The following LGR4 variants were observed in gnomAD, a reference collection of about 807,000 sequenced individuals.
LGR4 encodes leucine rich repeat containing G protein-coupled receptor 4.
Under a neutral mutation model 84.8 loss-of-function variants are expected in LGR4, and 44 were observed. That is an observed-to-expected ratio of 0.52 (90% CI 0.41 to 0.67). The LOEUF (loss-of-function observed/expected upper bound fraction) is 0.67. Among genes scored for constraint, LGR4 ranks in the 30% least tolerant of loss-of-function variants. LGR4 has a pLI of 0.00. For missense variants in LGR4, 1,032 were observed against 1,131.4 expected (o/e 0.91, Z 1.26); for synonymous variants, 429 against 434.3 (o/e 0.99, Z 0.15).
At chr11:27,397,050 A>G (rs1173060909) in intron 2 of LGR4, among the ~76,000 whole-genome samples, 7 of 152,080 alleles carry the variant, frequency 4.6e-5, no homozygotes, top group Admixed American at 4.6e-4. Flanking sequence ...CCTGTCTCAA[A>G]CCACTTAATC....
At chr11:27,408,769 G>A (rs537756128) in intron 2 of LGR4, among the ~76,000 whole-genome samples, 3 of 152,126 alleles carry the variant, frequency 2.0e-5, no homozygotes, top group Non-Finnish European at 4.4e-5. Flanking sequence ...TATCAAGGAA[G>A]ACTGCAATGT....
chr11:27,370,908 A>G (rs1239687312), intron 17 of LGR4, among the ~76,000 whole-genome samples: 1 of 152,216 alleles, frequency 6.6e-6, no homozygotes. Context: ...GCATTCACTT[A>G]TCTAGTAACT....
chr11:27,445,305 G>A (rs1164211453), intron 1 of LGR4, among the ~76,000 whole-genome samples: 1 of 151,984 alleles, frequency 6.6e-6, no homozygotes, highest in Non-Finnish European at 1.5e-5. Flanking sequence ...CAGACTATGT[G>A]GGTTCAAATT....
chr11:27,450,085 G>C (rs1864456617), intron 1 of LGR4, among the ~76,000 whole-genome samples: 2 of 152,258 alleles, frequency 1.3e-5, no homozygotes, highest in Admixed American at 6.5e-5. Flanking sequence ...TGGCATACTA[G>C]TATTTTTATT....
At chr11:27,381,706 CAA>C (rs3085345) in intron 7 of LGR4, among the ~76,000 whole-genome samples, 13 of 150,422 alleles carry the variant, frequency 8.6e-5, no homozygotes, top group East Asian at 2.0e-4. Flanking sequence ...TACAAACAAT[CAA>C]AAAAAAAAAT....
At chr11:27,370,719 GC>G (rs796277068) in intron 17 of LGR4, among the ~76,000 whole-genome samples, 2 of 152,058 alleles carry the variant, frequency 1.3e-5, no homozygotes, top group Non-Finnish European at 2.9e-5. Context: ...TTGAAGTCCA[GC>G]CCCCCCTTTA....
Position 27,385,295 on chromosome 11 carries a change from A to G in LGR4, c.575T>C (p.Ile192Thr). 1 of 1,600,208 alleles carries G rather than the reference A, an allele frequency of 6.2e-7. No individual in the cohort carries two copies. The highest frequency in any genetic ancestry group is 8.5e-7 in the Non-Finnish European group (1 of 1,172,416). ...LTLALNKISS[I>T]PDFAFTNLSS... ...AAGGTTGGTAAATGCAAAGTCAGGG[A>G]TGCTTGAGATCTTGTTGAGAGCCAG... The change falls in exon 5 of 18, where the codon ATC (isoleucine) becomes ACC (threonine). Residue 192 changes from isoleucine (I) to threonine (T), a missense_variant. By Grantham distance (89) the Ile-to-Thr change is moderately conservative. Transcript: ENST00000379214.
At chr11:27,469,007 A>G (rs1379180366) in intron 1 of LGR4, among the ~76,000 whole-genome samples, 1 of 152,202 alleles carries the variant, frequency 6.6e-6, no homozygotes, top group East Asian at 1.9e-4. Flanking sequence ...GCACAAATAC[A>G]GTAATAACCT....
At chr11:27,431,009 C>T (rs1461099174) in intron 1 of LGR4, among the ~76,000 whole-genome samples, 1 of 152,052 alleles carries the variant, frequency 6.6e-6, no homozygotes, top group East Asian at 1.9e-4. Context: ...TTCTTACCTC[C>T]TGGTTTTCTC....
chr11:27,417,668 GAA>G (rs1271100885), intron 1 of LGR4, among the ~76,000 whole-genome samples: 1 of 151,968 alleles, frequency 6.6e-6, no homozygotes, highest in East Asian at 1.9e-4. Flanking sequence ...TTAAAAAATT[GAA>G]ATACAGAGAA....
intron 17 of LGR4, among the ~76,000 whole-genome samples, chr11:27,369,408 T>C (rs1344366928): frequency 1.3e-5 from 2 of 152,178 alleles, no homozygotes; most frequent in Non-Finnish European, 2.9e-5. Context: ...AAGAGTGATA[T>C]TTAGATGAAA....
At chr11:27,390,858 T>C (rs1314692296) in intron 4 of LGR4, among the ~76,000 whole-genome samples, 3 of 152,130 alleles carry the variant, frequency 2.0e-5, no homozygotes, top group African/African-American at 2.4e-5. Context: ...TTCATGGAAG[T>C]ACACCCAGCA....
chr11:27,456,887 G>T (rs1160868815), intron 1 of LGR4, among the ~76,000 whole-genome samples: 1 of 152,082 alleles, frequency 6.6e-6, no homozygotes, highest in Non-Finnish European at 1.5e-5. Flanking sequence ...TAGTCTCCCA[G>T]TGTATGCAGA....
rs527675488 is a variant in LGR4 at position 27,390,979 on chromosome 11, T to C, written c.401+115A>G. 11 of 651,546 alleles carry C rather than the reference T, an allele frequency of 1.7e-5. No homozygotes were observed. The Admixed American group carries it at 2.3e-4, about 14-fold the overall frequency. The allele number at this position is 651,546 out of a possible 1,614,324, so 40.4% of individuals were successfully genotyped here. A position where few individuals can be genotyped will look rare whatever the true frequency, so the allele number is the denominator to read the frequency against. On this transcript the variant is annotated intron_variant, in intron 4 of 17. Transcript: ENST00000379214. Reference sequence around the variant, plus strand: ...TTTGATAACATTGACTAGCTATCTCTGTTTTTATCTCAGATGAAAGGATAA... The same window carrying C: ...TTTGATAACATTGACTAGCTATCTCCGTTTTTATCTCAGATGAAAGGATAA...
intron 2 of LGR4, among the ~76,000 whole-genome samples, chr11:27,405,251 G>A (rs891516124): frequency 6.6e-6 from 1 of 151,678 alleles, no homozygotes; most frequent in Non-Finnish European, 1.5e-5. Context: ...TCATTTCTTT[G>A]TGAAAAACCT....
chr11:27,393,470 A>G (rs904991956), intron 2 of LGR4, among the ~76,000 whole-genome samples: 1 of 152,144 alleles, frequency 6.6e-6, no homozygotes, highest in Non-Finnish European at 1.5e-5. Context: ...TCTTCTACAC[A>G]TGTCTCAGGA....
At chr11:27,421,964 T>C (rs1863929254) in intron 1 of LGR4, among the ~76,000 whole-genome samples, 1 of 152,162 alleles carries the variant, frequency 6.6e-6, no homozygotes. Flanking sequence ...ACACAGGGAA[T>C]AGATAAGGGT....
intron 1 of LGR4, among the ~76,000 whole-genome samples, chr11:27,430,881 T>TC (rs1014817175): frequency 2.2e-4 from 33 of 151,876 alleles, no homozygotes; most frequent in Non-Finnish European, 4.0e-4. Flanking sequence ...TCTCAAATCA[T>TC]CCCCACCCCA....
intron 1 of LGR4, among the ~76,000 whole-genome samples, chr11:27,435,778 G>A (rs1421028962): frequency 6.6e-6 from 1 of 151,960 alleles, no homozygotes; most frequent in Non-Finnish European, 1.5e-5. Context: ...ATAAGCAACT[G>A]TGCCCAGCTC....
Sources: gnomAD v4.1 joint callset for allele counts (sites outside exome capture counted in the v4.1 genomes callset) on GRCh38, gnomAD v4.1.1 for gene constraint, MANE v1.5 for transcripts, NCBI Gene and HGNC (gene_info 2026-07-23, HGNC 2026-07-21) for gene names.